BPTF: variants seen among roughly 807,000 people sequenced by gnomAD.
BPTF encodes nucleosome-remodeling factor subunit BPTF.
In BPTF, 18 loss-of-function variants were observed where a neutral mutation model predicts 292.5. That is an observed-to-expected ratio of 0.06 (90% CI 0.04 to 0.09). The LOEUF (loss-of-function observed/expected upper bound fraction) is 0.09, where lower values mean the gene tolerates loss of function less well. Ranked by LOEUF, BPTF falls within the 10% of genes least tolerant of loss-of-function variation. The pLI is 1.00. For synonymous variants in BPTF, 1,225 were observed against 1,251.9 expected (o/e 0.98, Z 0.45); for missense variants, 2,726 against 3,498.7 (o/e 0.78, Z 5.57).
At chr17:67,924,071 T>C (rs1303439546) in intron 14 of BPTF, among the ~76,000 whole-genome samples, 2 of 152,060 alleles carry the variant, frequency 1.3e-5, no homozygotes, top group African/African-American at 4.8e-5. Context: ...CAATCTCGGC[T>C]CACTGCAAAC....
At chr17:67,848,584 C>CT (rs11464478) in intron 1 of BPTF, among the ~76,000 whole-genome samples, 1,570 of 152,092 alleles carry the variant, frequency 0.01, 32 homozygotes, top group African/African-American at 0.036. Flanking sequence ...TGTAGGCAAA[C>CT]TTTTTTTTAA....
chr17:67,902,679 C>T (rs910061015), intron 7 of BPTF, among the ~76,000 whole-genome samples: 2 of 151,994 alleles, frequency 1.3e-5, no homozygotes, highest in Non-Finnish European at 2.9e-5. Flanking sequence ...GACACAAAGC[C>T]GTCGTAAAAG....
intron 24 of BPTF, among the ~76,000 whole-genome samples, chr17:67,962,384 C>T (rs1223268452): frequency 3.3e-5 from 5 of 152,188 alleles, no homozygotes; most frequent in African/African-American, 1.2e-4. Context: ...TGCCTATCAA[C>T]ACTTATAGAC....
chr17:67,826,180 C>A lies in BPTF; in HGVS notation c.456C>A (p.Ala152=), dbSNP rs148162720. 1.2e-6 allele frequency: 2 copies of A among 1,602,430 alleles called. No homozygotes were observed. Among genetic ancestry groups the A allele is most frequent in the African/African-American group, 2.7e-5 (2 of 74,680 alleles). The change falls in exon 1 of 28, where the codon GCC becomes GCA. Residue 152 remains alanine (A), a synonymous_variant. Transcript: ENST00000306378. The stretch of plus-strand genomic sequence containing the variant: ...AGGAGGAGGAGGAGGACGGCGACGC[C>A]GAGGAGACCCAGGATTCTGAGGACG... ...SEEEEEEDGD[A]EETQDSEDDE...
At position 67,911,441 on chromosome 17, in the gene BPTF, A is replaced by T. The variant is rs2062646621; in HGVS notation, c.3557A>T (p.Glu1186Val). The change falls in exon 11 of 28, where the codon GAA (glutamate) becomes GTA (valine). Residue 1186 changes from glutamate to valine, a missense_variant. Coordinates refer to ENST00000306378, the MANE Select transcript of BPTF (RefSeq NM_182641.4). ...AAATGTCCGAAACAAAATTCCATTG[A>T]AAATGACATAGAAGAAAAAGTCTCT... The part of the protein sequence containing the change: ...ETKCPKQNSI[E>V]NDIEEKVSDL... 1 of 1,614,178 alleles carries T rather than the reference A, an allele frequency of 6.2e-7. No homozygotes were observed. Among genetic ancestry groups the T allele is most frequent in the Non-Finnish European group, 8.5e-7 (1 of 1,180,010 alleles).
At chr17:67,940,973 T>G (rs543849807) in intron 19 of BPTF, among the ~76,000 whole-genome samples, 1 of 152,336 alleles carries the variant, frequency 6.6e-6, no homozygotes, top group African/African-American at 2.4e-5. Context: ...TCGATATTGT[T>G]AGCAAGTCTT....
At position 67,875,029 on chromosome 17, in the gene BPTF, ATTAC is replaced by A; in HGVS notation, c.1864+12_1864+15del. ...GCAAGGAAAATCTGAGGGTAAAAAA[ATTAC>A]TTGATTAAAAAGAAATATTTCATTA... On this transcript the variant is annotated intron_variant, in intron 4 of 27. Coordinates refer to ENST00000306378, the MANE Select transcript of BPTF (RefSeq NM_182641.4). 2 of 1,592,074 alleles carry A rather than the reference ATTAC, an allele frequency of 1.3e-6. No homozygotes were observed. Among genetic ancestry groups the A allele is most frequent in the South Asian group, 2.3e-5 (2 of 87,508 alleles).
intron 9 of BPTF, among the ~76,000 whole-genome samples, chr17:67,909,331 C>T (rs1164276851): frequency 2.3e-5 from 3 of 129,836 alleles, no homozygotes; most frequent in Non-Finnish European, 4.8e-5. Flanking sequence ...AATCATATTT[C>T]ACCAAAAATG....
At chr17:67,894,959 A>G (rs988641580) in intron 7 of BPTF, among the ~76,000 whole-genome samples, 2 of 152,216 alleles carry the variant, frequency 1.3e-5, no homozygotes, top group African/African-American at 4.8e-5. Context: ...TTAGTCTTTA[A>G]AAAGTTATTA....
At chr17:67,889,958 T>A (rs2061004420) in intron 4 of BPTF, among the ~76,000 whole-genome samples, 1 of 152,202 alleles carries the variant, frequency 6.6e-6, no homozygotes, top group South Asian at 2.1e-4. Flanking sequence ...TGACTTATTA[T>A]TTAAGGAGGG....
intron 2 of BPTF, among the ~76,000 whole-genome samples, chr17:67,855,046 A>G (rs566670875): frequency 4.4e-4 from 67 of 152,342 alleles, no homozygotes; most frequent in African/African-American, 1.4e-3. Context: ...CACGCCTGTA[A>G]TCCCAGCACT....
intron 26 of BPTF, chr17:67,974,037 C>G (rs757118310): frequency 2.0e-5 from 3 of 152,042 alleles, no homozygotes; most frequent in Non-Finnish European, 4.4e-5. Context: ...CTTAGGTATT[C>G]TAGTACTTTT....
chr17:67,860,338 C>A (rs1284358928), intron 2 of BPTF, among the ~76,000 whole-genome samples: 3 of 152,060 alleles, frequency 2.0e-5, no homozygotes, highest in Admixed American at 6.6e-5. Context: ...AGTTTTAAAG[C>A]CATGTAGAAT....
chr17:67,842,817 CAAAAAAAA>C (rs60085248), intron 1 of BPTF, among the ~76,000 whole-genome samples: 2 of 47,804 alleles, frequency 4.2e-5, no homozygotes, highest in Non-Finnish European at 8.2e-5. Flanking sequence ...CAATTAAGGC[CAAAAAAAA>C]AAAAAAAAAA....
At chr17:67,966,367 C>T (rs2148437755) in intron 25 of BPTF, 1 of 496,210 alleles carries the variant, frequency 2.0e-6, no homozygotes, top group Non-Finnish European at 3.6e-6. Flanking sequence ...AACACAAAGT[C>T]TTCTGACCAG....
At chr17:67,901,677 AT>A (rs1598525373) in intron 7 of BPTF, among the ~76,000 whole-genome samples, 1 of 152,260 alleles carries the variant, frequency 6.6e-6, no homozygotes, top group East Asian at 1.9e-4. Flanking sequence ...TACTTCTCTC[AT>A]AATTAAAAAC....
At chr17:67,915,757 C>T (rs1568061423) in intron 11 of BPTF, among the ~76,000 whole-genome samples, 2 of 152,142 alleles carry the variant, frequency 1.3e-5, no homozygotes, top group African/African-American at 2.4e-5. Context: ...TCAGATGTCC[C>T]TCCCTTGTCC....
At chr17:67,944,879 A>G (rs1369889036) in intron 20 of BPTF, among the ~76,000 whole-genome samples, 1 of 150,814 alleles carries the variant, frequency 6.6e-6, no homozygotes. Context: ...CTTACTTTGG[A>G]AACCAGCCCT....
Position 67,953,446 on chromosome 17 carries a change from T to C in BPTF, c.7926+5140T>C, listed in dbSNP as rs528290188. 6.8e-4 allele frequency among the ~76,000 whole-genome samples: 101 copies of C among 147,952 alleles called. 3 individuals carry two copies. The South Asian group carries it at 0.021, about 31-fold the overall frequency. ...AATTTTTTTTTGTTTTTTGAAGAGATAGGGTTTTGCCATGTTGGCCAGCCT... is the reference window on the plus strand; with the variant it reads ...AATTTTTTTTTGTTTTTTGAAGAGACAGGGTTTTGCCATGTTGGCCAGCCT... On this transcript the variant is annotated intron_variant, in intron 23 of 27. Coordinates refer to ENST00000306378, the MANE Select transcript of BPTF (RefSeq NM_182641.4).
Sources: allele counts gnomAD v4.1 joint callset (sites outside exome capture counted in the v4.1 genomes callset), GRCh38; gene constraint gnomAD v4.1.1; transcripts MANE v1.5; gene names NCBI Gene and HGNC (gene_info 2026-07-23, HGNC 2026-07-21).